FLNB: variants seen among roughly 807,000 people sequenced by gnomAD.
FLNB encodes the protein filamin-B.
A neutral mutation model predicts 250.6 loss-of-function variants in FLNB; 111 were observed. The observed-to-expected ratio is 0.44, with a 90% CI of 0.38 to 0.52. The LOEUF is 0.52. FLNB is among the 20% of genes least tolerant of loss of function. The probability of loss-of-function intolerance (pLI) is 0.00; values close to 1 mark genes in which losing one functional copy is unlikely to be tolerated. For synonymous variants in FLNB, 1,302 were observed against 1,372.1 expected, an observed-to-expected ratio of 0.95 and a Z score of 1.13; for missense variants, 2,869 against 3,447.8, an observed-to-expected ratio of 0.83 and a Z score of 4.20.
intron 3 of FLNB, among the ~76,000 whole-genome samples, chr3:58,080,359 T>C (rs1378529180): frequency 1.3e-5 from 2 of 152,180 alleles, no homozygotes; most frequent in African/African-American, 4.8e-5. Flanking sequence ...CAGGGAGGAC[T>C]CTGCAAGCTG....
At chr3:58,121,071 A>C (rs1332498375) in intron 19 of FLNB, among the ~76,000 whole-genome samples, 170 bp from the exon 20 acceptor site, 4 of 152,200 alleles carry the variant, frequency 2.6e-5, no homozygotes, top group Admixed American at 2.0e-4. Flanking sequence ...TGAGGCTGAG[A>C]TGCTGATGAT....
intron 1 of FLNB, among the ~76,000 whole-genome samples, chr3:58,047,124 C>G (rs1249115357): frequency 1.3e-5 from 2 of 152,186 alleles, no homozygotes; most frequent in Non-Finnish European, 2.9e-5. Flanking sequence ...CTCCCTGTAC[C>G]TAAGTGGTTG....
intron 1 of FLNB, among the ~76,000 whole-genome samples, chr3:58,046,219 C>G (rs914203317): frequency 6.6e-6 from 1 of 151,966 alleles, no homozygotes; most frequent in African/African-American, 2.4e-5. Flanking sequence ...TCACAGGGAC[C>G]AAGGGATTTG....
At position 58,094,883 on chromosome 3, in the gene FLNB, G is replaced by A; in HGVS notation, c.835G>A (p.Val279Met). 6.2e-7 allele frequency: 1 copy of A among 1,614,176 alleles called. No individual in the cohort carries two copies. The highest frequency in any genetic ancestry group is 1.1e-5 in the South Asian group (1 of 91,078). The stretch of plus-strand genomic sequence containing the variant: ...GGTGAAGCAGCCAGCCAAGTTCACT[G>A]TGGACACCATCAGCGCCGGGCAAGG... ...NMVKQPAKFT[V>M]DTISAGQGDV... is the part of the protein sequence containing the mutation. The change falls in exon 5 of 46, where the codon GTG (valine) becomes ATG (methionine). Residue 279 changes from valine (V) to methionine (M), a missense_variant. Around this residue, in one of 5 missense-constraint regions of FLNB, gnomAD observed 308 missense variants for 466.1 expected, o/e 0.66. Coordinates refer to ENST00000295956, the MANE Select transcript of FLNB (RefSeq NM_001457.4).
chr3:58,098,992 G>T (rs1291629983), intron 8 of FLNB, 84 bp downstream of exon 8: 1 of 1,198,716 alleles, frequency 8.3e-7, no homozygotes, highest in Non-Finnish European at 1.2e-6. Flanking sequence ...AAAACAGTCA[G>T]GGCCCAACAT....
At chr3:58,168,328 C>A in intron 43 of FLNB, 112 bp from the exon 44 acceptor site, 1 of 843,366 alleles carries the variant, frequency 1.2e-6, no homozygotes, top group South Asian at 1.4e-5. Flanking sequence ...TCCCATGCCA[C>A]CAGGGTGAGC....
At chr3:58,019,170 A>G (rs932353797) in intron 1 of FLNB, among the ~76,000 whole-genome samples, 2 of 152,128 alleles carry the variant, frequency 1.3e-5, no homozygotes, top group South Asian at 2.1e-4. Context: ...ACAATTAGTT[A>G]TAAATTAATC....
In FLNB at chr3:58,138,460, GC is replaced by G; in HGVS notation, c.5042del (p.Pro1681ArgfsTer5). ...TYDIFYTAAK[P>X]GTYVIYVRFG... ...ATGACATCTTCTACACAGCTGCCAA[GC>G]CGGGCACATATGTGATCTATGTGCG... On this transcript the variant is annotated frameshift_variant, in exon 29 of 46. Coordinates refer to ENST00000295956, the MANE Select transcript of FLNB (RefSeq NM_001457.4). LOFTEE classifies it high-confidence loss of function. 1 of 1,614,238 alleles carries G rather than the reference GC, an allele frequency of 6.2e-7. No individual in the cohort carries two copies. The highest frequency in any genetic ancestry group is 8.5e-7 in the Non-Finnish European group (1 of 1,180,044).
Position 58,078,417 on chromosome 3 carries a change from C to T in FLNB, c.542-300C>T, listed in dbSNP as rs1417484854. The T allele has an allele frequency of 3.9e-6, 6 of 1,534,972 alleles. No homozygotes were observed. In the African/African-American group the frequency reaches 8.2e-5, roughly 21 times the overall value. ...ATAAAATCCCTCCTGCATAAAGGCA[C>T]CAGGCTTTTTCCAAGCTTTGTTTAT... On this transcript the variant is annotated intron_variant, in intron 2 of 45. Coordinates refer to ENST00000295956, the MANE Select transcript of FLNB (RefSeq NM_001457.4).
At chr3:58,026,953 G>A (rs1200657268) in intron 1 of FLNB, among the ~76,000 whole-genome samples, 1 of 152,144 alleles carries the variant, frequency 6.6e-6, no homozygotes, top group African/African-American at 2.4e-5. Flanking sequence ...ATGTGATGGG[G>A]CAAAAATTTA....
chr3:58,100,589 C>CTTTTTTTTTTTTTTT (rs147921421), intron 8 of FLNB, among the ~76,000 whole-genome samples: 4 of 124,964 alleles, frequency 3.2e-5, no homozygotes, highest in East Asian at 2.5e-4. Flanking sequence ...TTTTCTTTTT[C>CTTTTTTTTTTTTTTT]TTTTTTTTTT....
intron 1 of FLNB, among the ~76,000 whole-genome samples, chr3:58,051,682 TGGG>T (rs1196712045): frequency 0.014 from 722 of 51,186 alleles, 4 homozygotes; most frequent in African/African-American, 0.086. Context: ...GCAGTTTTTT[TGGG>T]TTTTTTTTTT....
intron 1 of FLNB, among the ~76,000 whole-genome samples, chr3:58,020,456 C>A (rs2097112187): frequency 6.6e-6 from 1 of 152,184 alleles, no homozygotes; most frequent in South Asian, 2.1e-4. Flanking sequence ...CTGAGGCGCA[C>A]CTCTCCTGAG....
intron 23 of FLNB, among the ~76,000 whole-genome samples, chr3:58,126,036 A>G (rs1165557614): frequency 1.3e-5 from 2 of 152,230 alleles, no homozygotes; most frequent in African/African-American, 4.8e-5. Context: ...AGTTGGTTGC[A>G]AGGCATATGC....
At chr3:58,099,246 G>T (rs1189781207) in intron 8 of FLNB, among the ~76,000 whole-genome samples, 2 of 152,178 alleles carry the variant, frequency 1.3e-5, no homozygotes, top group Non-Finnish European at 2.9e-5. Context: ...GCAGCAACAT[G>T]GGCCCTGCAG....
At chr3:58,159,718 A>C in intron 42 of FLNB, 32 bp downstream of exon 42, 1 of 1,609,238 alleles carries the variant, frequency 6.2e-7, no homozygotes, top group South Asian at 1.1e-5. Flanking sequence ...GGGTCCCAGC[A>C]CCAGCACTTT....
chr3:58,070,570 A>T (rs770862812), intron 1 of FLNB, among the ~76,000 whole-genome samples: 17 of 151,794 alleles, frequency 1.1e-4, no homozygotes, highest in Admixed American at 1.1e-3. Flanking sequence ...AGTGCATGGC[A>T]TCCTGTTCCC....
At position 58,134,623 on chromosome 3, in the gene FLNB, A is replaced by C; in HGVS notation, c.4522A>C (p.Lys1508Gln). 1 of 1,614,038 alleles carries C rather than the reference A, an allele frequency of 6.2e-7. No homozygotes were observed. Among genetic ancestry groups the C allele is most frequent in the Non-Finnish European group, 8.5e-7 (1 of 1,179,958 alleles). Residue 1508 changes from lysine (K) to glutamine (Q), a missense_variant, in exon 27 of 46, where the codon AAG (lysine) becomes CAG (glutamine). Coordinates refer to ENST00000295956, the MANE Select transcript of FLNB (RefSeq NM_001457.4). ...ADEEIPRSPF[K>Q]VKVLPTYDAS... ...GTGTGTGTGTCTATCAAGTCCCTTC[A>C]AGGTCAAGGTCCTTCCCACATATGA... is the stretch of plus-strand genomic sequence containing the variant.
chr3:58,041,195 G>A (rs1375820805), intron 1 of FLNB, among the ~76,000 whole-genome samples: 6 of 152,162 alleles, frequency 3.9e-5, no homozygotes, highest in African/African-American at 1.4e-4. Context: ...GTATCCCTGT[G>A]GACACAAGGA....
Sources: gnomAD v4.1 joint callset for allele counts (sites outside exome capture counted in the v4.1 genomes callset) on GRCh38, gnomAD v4.1.1 for gene constraint, gnomAD v4.1.1 regional missense constraint, MANE v1.5 for transcripts, NCBI Gene and HGNC (gene_info 2026-07-23, HGNC 2026-07-21) for gene names.